KDM4B: variants seen among roughly 807,000 people sequenced by gnomAD.
KDM4B encodes lysine-specific demethylase 4B.
A neutral mutation model predicts 125.2 loss-of-function variants in KDM4B; 32 were observed. That is an observed-to-expected ratio of 0.26 (90% CI 0.19 to 0.34). The LOEUF (loss-of-function observed/expected upper bound fraction) is 0.34, where lower values mean the gene tolerates loss of function less well. KDM4B is among the 10% of genes least tolerant of loss of function. The pLI is 1.00. For missense variants in KDM4B, 1,190 were observed against 1,577.7 expected (o/e 0.75, Z 4.16); for synonymous variants, 721 against 677.9 (o/e 1.06, Z -0.99).
At chr19:4,985,001 A>G (rs2034779328) in intron 1 of KDM4B, among the ~76,000 whole-genome samples, 1 of 152,176 alleles carries the variant, frequency 6.6e-6, no homozygotes, top group Non-Finnish European at 1.5e-5. Context: ...TGTTCATTAG[A>G]AAAATAATTT....
intron 6 of KDM4B, among the ~76,000 whole-genome samples, chr19:5,069,571 G>A (rs952569755): frequency 4.0e-5 from 6 of 151,624 alleles, no homozygotes; most frequent in Admixed American, 6.6e-5. Context: ...GCCTCCCAAA[G>A]TGCTGGGATT....
intron 9 of KDM4B, among the ~76,000 whole-genome samples, chr19:5,094,761 G>T (rs2038784474): frequency 6.6e-6 from 1 of 152,188 alleles, no homozygotes; most frequent in South Asian, 2.1e-4. Flanking sequence ...TCCAGTGTGG[G>T]AGCCACGGGC....
intron 2 of KDM4B, among the ~76,000 whole-genome samples, chr19:5,024,099 C>T (rs1489249163): frequency 2.6e-5 from 4 of 152,154 alleles, no homozygotes; most frequent in Non-Finnish European, 5.9e-5. Flanking sequence ...CGTGTGGCCG[C>T]TGAGAGCCAT....
chr19:5,135,008 C>T (rs1043568134), intron 14 of KDM4B, among the ~76,000 whole-genome samples: 9 of 152,208 alleles, frequency 5.9e-5, no homozygotes, highest in East Asian at 5.8e-4. Context: ...TGTGGAGACT[C>T]GTTCATCACA....
At chr19:5,087,410 T>C (rs751473455) in intron 9 of KDM4B, among the ~76,000 whole-genome samples, 49 of 152,200 alleles carry the variant, frequency 3.2e-4, no homozygotes, top group Non-Finnish European at 6.8e-4. Context: ...CCTGGTGTCA[T>C]GGACCTGCTC....
intron 6 of KDM4B, among the ~76,000 whole-genome samples, chr19:5,069,171 G>A (rs1192571658): frequency 6.6e-6 from 1 of 152,358 alleles, no homozygotes; most frequent in Admixed American, 6.5e-5. Flanking sequence ...AGAGTTGAAG[G>A]TGCTGGGGTC....
At chr19:5,021,252 G>T (rs1308063686) in intron 2 of KDM4B, among the ~76,000 whole-genome samples, 1 of 152,154 alleles carries the variant, frequency 6.6e-6, no homozygotes, top group African/African-American at 2.4e-5. Flanking sequence ...GTTTTGGGGA[G>T]TGTCATGACC....
At chr19:5,027,377 C>G (rs562354971) in intron 2 of KDM4B, among the ~76,000 whole-genome samples, 8 of 152,296 alleles carry the variant, frequency 5.3e-5, no homozygotes, top group African/African-American at 1.9e-4. Context: ...GTCCCCAAGA[C>G]AAAAGGTCTG....
At chr19:5,131,024 C>T in intron 11 of KDM4B, 52 bp from the exon 12 acceptor site, 3 of 1,333,488 alleles carry the variant, frequency 2.2e-6, no homozygotes, top group Non-Finnish European at 2.0e-6. Context: ...AGCGTGGGAC[C>T]AGCACTTGAG....
chr19:5,114,471 C>A lies in KDM4B; in HGVS notation c.1115+3653C>A, dbSNP rs1216456257. On this transcript the variant is annotated intron_variant, in intron 10 of 22. Coordinates refer to ENST00000159111, the MANE Select transcript of KDM4B (RefSeq NM_015015.3). The surrounding 1 kb of genome is among the most constrained non-coding windows in gnomAD (Gnocchi z 5.8). The stretch of plus-strand genomic sequence containing the variant: ...ACCCCAGCTGCATTCCTGAGCCCTC[C>A]CCACCAACAGGGACCTCAGCCCTCA... 1 of 381,124 alleles carries A rather than the reference C, an allele frequency of 2.6e-6. No homozygotes were observed. Among genetic ancestry groups the A allele is most frequent in the African/African-American group, 2.1e-5 (1 of 48,144 alleles). 23.6% of individuals were successfully genotyped at this position (381,124 alleles called of 1,614,324 possible). A position where few individuals can be genotyped will look rare whatever the true frequency, so the allele number is the denominator to read the frequency against.
chr19:5,079,635 C>T (rs554324818), intron 8 of KDM4B, among the ~76,000 whole-genome samples: 2 of 152,200 alleles, frequency 1.3e-5, no homozygotes, highest in African/African-American at 4.8e-5. Flanking sequence ...GACAGGGAGC[C>T]GTCACTTGGC....
intron 2 of KDM4B, 118 bp from the exon 3 acceptor site, chr19:5,032,748 G>C: frequency 2.2e-6 from 2 of 923,838 alleles, no homozygotes; most frequent in Non-Finnish European, 1.6e-6. Flanking sequence ...GGGCCCAGCC[G>C]CCTTTGTCCT....
intron 1 of KDM4B, among the ~76,000 whole-genome samples, chr19:4,982,691 C>T (rs977355138): frequency 1.4e-4 from 21 of 151,946 alleles, no homozygotes; most frequent in Non-Finnish European, 2.9e-4. Context: ...CGGCTCACTG[C>T]AACCTCCACC....
chr19:5,053,827 C>A (rs1025459679), intron 6 of KDM4B, among the ~76,000 whole-genome samples: 1 of 152,278 alleles, frequency 6.6e-6, no homozygotes, highest in Non-Finnish European at 1.5e-5. Context: ...CACTACCCCC[C>A]AGCAGCGCTC....
intron 11 of KDM4B, among the ~76,000 whole-genome samples, chr19:5,122,247 C>T (rs747690131): frequency 1.2e-4 from 18 of 152,198 alleles, no homozygotes; most frequent in Non-Finnish European, 2.5e-4. Context: ...TCCTTCACAG[C>T]CACAGTGCAG....
intron 8 of KDM4B, among the ~76,000 whole-genome samples, chr19:5,080,040 C>T (rs2038240044): frequency 6.6e-6 from 1 of 152,244 alleles, no homozygotes; most frequent in South Asian, 2.1e-4. Flanking sequence ...GCCCTGGGGC[C>T]ACGTGTGTTC....
chr19:5,112,204 G>A (rs1234785441), intron 10 of KDM4B: 1 of 215,904 alleles, frequency 4.6e-6, no homozygotes, highest in Non-Finnish European at 9.4e-6. Context: ...AGTGAGCCGA[G>A]ATTGTACCAC....
chr19:5,144,239 C>T lies in KDM4B; in HGVS notation c.2737-9C>T, dbSNP rs2146102430. The T allele has an allele frequency of 1.3e-6, 2 of 1,595,174 alleles. No individual in the cohort carries two copies. The highest frequency in any genetic ancestry group is 1.7e-6 in the Non-Finnish European group (2 of 1,171,650). On this transcript the variant is annotated splice_polypyrimidine_tract_variant and intron_variant, in intron 19 of 22. Coordinates refer to ENST00000159111, the MANE Select transcript of KDM4B (RefSeq NM_015015.3). ...CTGACCGCCCCCCACACCCTCCGCA[C>T]CCTCCCAGGTCCAACTCCTGAGGGC...
At chr19:5,028,186 A>G (rs988709237) in intron 2 of KDM4B, among the ~76,000 whole-genome samples, 2 of 152,074 alleles carry the variant, frequency 1.3e-5, no homozygotes, top group African/African-American at 4.8e-5. Context: ...TACGTTGCCT[A>G]GGCTGGTCTC....
Sources: allele counts gnomAD v4.1 joint callset (sites outside exome capture counted in the v4.1 genomes callset), GRCh38; gene constraint gnomAD v4.1.1; non-coding constraint Gnocchi (gnomAD v3.1); transcripts MANE v1.5; gene names NCBI Gene and HGNC (gene_info 2026-07-23, HGNC 2026-07-21).